Variants in TTC28 observed in about 807,000 individuals in gnomAD.
The protein encoded by TTC28 is tetratricopeptide repeat domain 28, also known as tetratricopeptide repeat protein 28.
A neutral mutation model predicts 198.0 loss-of-function variants in TTC28; 61 were observed. That is an observed-to-expected ratio of 0.31 (90% CI 0.25 to 0.38). The LOEUF (loss-of-function observed/expected upper bound fraction) is 0.38, where lower values mean the gene tolerates loss of function less well. Ranked by LOEUF, TTC28 falls within the 10% of genes least tolerant of loss-of-function variation. The probability of loss-of-function intolerance (pLI) is 1.00; values close to 1 mark genes in which losing one functional copy is unlikely to be tolerated. For synonymous variants in TTC28, 1,171 were observed against 1,297.8 expected, an observed-to-expected ratio of 0.90 and a Z score of 2.10; for missense variants, 2,678 against 3,164.0, an observed-to-expected ratio of 0.85 and a Z score of 3.69.
chr22:28,170,241 A>C (rs1256433258), intron 5 of TTC28, among the ~76,000 whole-genome samples: 6 of 152,148 alleles, frequency 3.9e-5, no homozygotes. Context: ...TAATCCCAGC[A>C]CTTTGGAAGG....
chr22:28,141,672 GCT>G (rs1943339714), intron 6 of TTC28, among the ~76,000 whole-genome samples: 1 of 152,096 alleles, frequency 6.6e-6, no homozygotes, highest in Non-Finnish European at 1.5e-5. Context: ...GTAGCAGTGT[GCT>G]CTTTTTCACA....
At chr22:28,529,403 G>A (rs1016574334) in intron 2 of TTC28, among the ~76,000 whole-genome samples, 11 of 152,200 alleles carry the variant, frequency 7.2e-5, no homozygotes, top group East Asian at 1.9e-4. Flanking sequence ...AAACAAAGTG[G>A]CCTGGAAGCT....
intron 2 of TTC28, among the ~76,000 whole-genome samples, chr22:28,406,493 G>C (rs951278470): frequency 1.3e-5 from 2 of 152,158 alleles, no homozygotes; most frequent in African/African-American, 4.8e-5. Context: ...GTGTAGCGGA[G>C]GAACAGCCTG....
chr22:28,078,768 G>A (rs1941245080), intron 12 of TTC28, among the ~76,000 whole-genome samples: 1 of 152,140 alleles, frequency 6.6e-6, no homozygotes, highest in Non-Finnish European at 1.5e-5. Flanking sequence ...TTCCTGAGCT[G>A]CCCTAGAGAC....
chr22:28,157,768 C>G (rs184152947), intron 6 of TTC28, among the ~76,000 whole-genome samples: 5 of 152,212 alleles, frequency 3.3e-5, no homozygotes, highest in Admixed American at 2.0e-4. Flanking sequence ...TATACCTCAA[C>G]ATAATAAAAG....
chr22:28,641,232 G>A (rs919249501), intron 1 of TTC28, among the ~76,000 whole-genome samples: 2 of 152,042 alleles, frequency 1.3e-5, no homozygotes. Context: ...GCTGAGGCAG[G>A]GGAATCACTT....
At chr22:28,130,981 C>T (rs771365405) in intron 6 of TTC28, among the ~76,000 whole-genome samples, 30 of 152,146 alleles carry the variant, frequency 2.0e-4, no homozygotes, top group Admixed American at 1.0e-3. Flanking sequence ...TCAGAATATA[C>T]TCAATTATCC....
intron 13 of TTC28, among the ~76,000 whole-genome samples, chr22:28,014,718 G>T (rs951584784): frequency 6.6e-6 from 1 of 152,194 alleles, no homozygotes. Context: ...GCAGGCAAAC[G>T]TGAGGACCAT....
At chr22:28,167,651 G>C (rs1416209168) in intron 5 of TTC28, among the ~76,000 whole-genome samples, 1 of 152,160 alleles carries the variant, frequency 6.6e-6, no homozygotes, top group Non-Finnish European at 1.5e-5. Context: ...CTATAAATTA[G>C]GTACTGATGG....
chr22:28,033,401 G>A (rs1225280969), intron 12 of TTC28, among the ~76,000 whole-genome samples: 1 of 152,128 alleles, frequency 6.6e-6, no homozygotes, highest in Non-Finnish European at 1.5e-5. Flanking sequence ...TCTAGAGATG[G>A]CACATCTGGT....
chr22:28,597,990 A>C (rs974727932), intron 2 of TTC28, among the ~76,000 whole-genome samples: 1 of 151,836 alleles, frequency 6.6e-6, no homozygotes, highest in Non-Finnish European at 1.5e-5. Context: ...AGCCTCCCAA[A>C]GTGCTGGAAT....
At chr22:28,008,058 T>C (rs1234984421) in intron 14 of TTC28, 1 of 152,178 alleles carries the variant, frequency 6.6e-6, no homozygotes, top group Non-Finnish European at 1.5e-5. Context: ...CTAGGTCTGA[T>C]TGTTTCTAAG....
chr22:28,140,934 A>AGAG (rs57274885), intron 6 of TTC28, among the ~76,000 whole-genome samples: 2,914 of 151,024 alleles, frequency 0.019, 30 homozygotes, highest in East Asian at 0.027. Context: ...ATGCAAAGGA[A>AGAG]GAGGAGGAGG....
At position 27,999,375 on chromosome 22, in the gene TTC28, C is replaced by CCAAG. The variant is rs1937614064; in HGVS notation, c.4399-116_4399-115insCTTG. 3 of 1,398,400 alleles carry CCAAG rather than the reference C, an allele frequency of 2.1e-6. No homozygotes were observed. In the South Asian group the frequency reaches 4.5e-5, roughly 21 times the overall value. 86.6% of individuals were successfully genotyped at this position (1,398,400 alleles called of 1,614,324 possible). A position where few individuals can be genotyped will look rare whatever the true frequency, so the allele number is the denominator to read the frequency against. On this transcript the variant is annotated intron_variant, in intron 15 of 22. Transcript: ENST00000397906. ...TCTCTGCTGGTTGAGCTTGAATCCA[C>CCAAG]CTGTTTCCCCAGTCACCACATTCAC...
At chr22:28,501,809 C>A (rs1442634019) in intron 2 of TTC28, among the ~76,000 whole-genome samples, 1 of 152,066 alleles carries the variant, frequency 6.6e-6, no homozygotes, top group East Asian at 1.9e-4. Flanking sequence ...TTATGCCATT[C>A]TTTTTGCTTT....
chr22:28,557,950 C>T (rs1279248572), intron 2 of TTC28, among the ~76,000 whole-genome samples: 1 of 152,200 alleles, frequency 6.6e-6, no homozygotes, highest in African/African-American at 2.4e-5. Context: ...AAACATTTAC[C>T]TCCAAGGCTA....
intron 13 of TTC28, 104 bp downstream of exon 13, chr22:28,030,122 G>A (rs1324041882): frequency 2.1e-6 from 3 of 1,459,236 alleles, no homozygotes; most frequent in East Asian, 2.5e-5. Flanking sequence ...CATGACACGA[G>A]CCAGAAGCCT....
intron 5 of TTC28, among the ~76,000 whole-genome samples, chr22:28,198,997 A>C (rs1336052636): frequency 6.6e-6 from 1 of 152,166 alleles, no homozygotes; most frequent in Admixed American, 6.6e-5. Flanking sequence ...CCAATAGTTC[A>C]GTCCCTGTCA....
chr22:28,099,181 G>T, intron 9 of TTC28, 137 bp from the exon 10 acceptor site: 2 of 1,234,426 alleles, frequency 1.6e-6, no homozygotes, highest in Non-Finnish European at 2.2e-6. Flanking sequence ...AGAGTCTGAT[G>T]TCCAGGTGTA....
Sources: allele counts gnomAD v4.1 joint callset (sites outside exome capture counted in the v4.1 genomes callset), GRCh38; gene constraint gnomAD v4.1.1; transcripts MANE v1.5; gene names NCBI Gene and HGNC (gene_info 2026-07-23, HGNC 2026-07-21).